Variants in LRCH1 observed in about 807,000 individuals in gnomAD.
LRCH1 encodes leucine-rich repeat and calponin homology domain-containing protein 1.
A neutral mutation model predicts 94.9 loss-of-function variants in LRCH1; 23 were observed. That is an observed-to-expected ratio of 0.24 (90% CI 0.17 to 0.34). The LOEUF is 0.34. Among genes scored for constraint, LRCH1 ranks in the 10% least tolerant of loss-of-function variants. LRCH1 has a pLI of 1.00. For missense variants in LRCH1, 790 were observed against 945.9 expected (o/e 0.84, Z 2.16); for synonymous variants, 364 against 354.9 (o/e 1.03, Z -0.29).
intron 1 of LRCH1, among the ~76,000 whole-genome samples, chr13:46,637,073 G>C (rs1284062719): frequency 6.6e-6 from 1 of 152,184 alleles, no homozygotes; most frequent in African/African-American, 2.4e-5. Flanking sequence ...TCTGCCATAG[G>C]CTTCCACATC....
rs1049854048 is a variant in LRCH1 at position 46,723,218 on chromosome 13, T to C, written c.1760-3T>C. ...AAGGCTTTTTTTCCCCTTTGTATTG[T>C]AGTGTTTCTAAGACCTCAGAGAAAT... On this transcript the variant is annotated splice_polypyrimidine_tract_variant and splice_region_variant and intron_variant, in intron 16 of 19. Transcript: ENST00000389797. The C allele has an allele frequency of 5.1e-6, 8 of 1,583,206 alleles. No homozygotes were observed. In the Admixed American group the frequency reaches 6.7e-5, roughly 13 times the overall value.
At chr13:46,581,422 A>C (rs946222320) in intron 1 of LRCH1, among the ~76,000 whole-genome samples, 4 of 152,224 alleles carry the variant, frequency 2.6e-5, no homozygotes, top group Admixed American at 6.5e-5. Flanking sequence ...AAGAAGTGGG[A>C]CAGAAAAGAT....
chr13:46,725,969 C>T (rs1347500880), intron 17 of LRCH1, among the ~76,000 whole-genome samples: 6 of 152,106 alleles, frequency 3.9e-5, no homozygotes, highest in South Asian at 2.1e-4. Context: ...AAATTAGAGC[C>T]TGAAAGAGTA....
At chr13:46,716,182 G>A (rs1872310489) in intron 16 of LRCH1, among the ~76,000 whole-genome samples, 2 of 151,772 alleles carry the variant, frequency 1.3e-5, no homozygotes, top group Admixed American at 6.6e-5. Flanking sequence ...CCAAATTATT[G>A]GCATATTTTG....
intron 1 of LRCH1, among the ~76,000 whole-genome samples, chr13:46,632,550 A>G (rs1434211468): frequency 6.6e-6 from 1 of 152,218 alleles, no homozygotes; most frequent in African/African-American, 2.4e-5. Flanking sequence ...TTATATTTCA[A>G]ATTGTTTACA....
At chr13:46,750,644 C>T in exon 19 of LRCH1, 2 of 1,547,842 alleles carry the variant, frequency 1.3e-6, no homozygotes, top group Non-Finnish European at 1.7e-6. Flanking sequence ...AGGCTCTGTT[C>T]ACATGAAACT....
intron 1 of LRCH1, among the ~76,000 whole-genome samples, chr13:46,603,403 ATGGGTTGTT>A (rs906146911): frequency 2.0e-5 from 3 of 151,896 alleles, no homozygotes; most frequent in Admixed American, 1.3e-4. Context: ...CATAACCCAA[ATGGGTTGTT>A]TGCAAAGCTA....
At chr13:46,566,026 G>C (rs947734580) in intron 1 of LRCH1, among the ~76,000 whole-genome samples, 1 of 151,910 alleles carries the variant, frequency 6.6e-6, no homozygotes, top group African/African-American at 2.4e-5. Context: ...GATTGGAGGG[G>C]TGAGGAAGTG....
chr13:46,611,242 T>C (rs1235413519), intron 1 of LRCH1, among the ~76,000 whole-genome samples: 1 of 152,150 alleles, frequency 6.6e-6, no homozygotes, highest in Admixed American at 6.5e-5. Context: ...TTTATGCTAG[T>C]GAGGGTTTGT....
chr13:46,612,328 A>G (rs527826606), intron 1 of LRCH1, among the ~76,000 whole-genome samples: 1 of 152,380 alleles, frequency 6.6e-6, no homozygotes, highest in East Asian at 1.9e-4. Flanking sequence ...ACAAATGTAT[A>G]TATTTTGTAT....
intron 15 of LRCH1, among the ~76,000 whole-genome samples, chr13:46,714,411 A>G (rs953677860): frequency 1.3e-4 from 20 of 152,238 alleles, no homozygotes; most frequent in Non-Finnish European, 1.2e-4. Flanking sequence ...AAAGTAATAT[A>G]TACAGTAATC....
In LRCH1 at chr13:46,574,235, GC is replaced by G. The variant is rs549591352; in HGVS notation, c.307+20533del. Among the ~76,000 whole-genome samples the G allele has an allele frequency of 4.1e-3, 622 of 152,154 alleles. 5 individuals are homozygous for G. The highest frequency in any genetic ancestry group is 0.034 in the South Asian group (162 of 4,814). ...ATCCTTTGTAACACAAAGGATAAAT[GC>G]TTGAAATGATGGATACCCATTTATC... On this transcript the variant is annotated intron_variant, in intron 1 of 19. Coordinates refer to ENST00000389797, the MANE Select transcript of LRCH1 (RefSeq NM_001164211.2).
At position 46,562,981 on chromosome 13, in the gene LRCH1, G is replaced by A. The variant is rs116409451; in HGVS notation, c.307+9278G>A. Among the ~76,000 whole-genome samples the A allele has an allele frequency of 4.0e-3, 604 of 152,242 alleles. 3 individuals are homozygous for A. Among genetic ancestry groups the A allele is most frequent in the African/African-American group, 0.014 (578 of 41,528 alleles). Reference sequence around the variant, plus strand: ...ACTTAGAATCTTTTCGGTGGTTGGTGGGTCCCTAGAGTCACACTTTATTTT... The same window carrying A: ...ACTTAGAATCTTTTCGGTGGTTGGTAGGTCCCTAGAGTCACACTTTATTTT... On this transcript the variant is annotated intron_variant, in intron 1 of 19. Transcript: ENST00000389797.
intron 1 of LRCH1, among the ~76,000 whole-genome samples, chr13:46,647,966 G>A (rs1308789761): frequency 6.6e-6 from 1 of 152,116 alleles, no homozygotes; most frequent in African/African-American, 2.4e-5. Flanking sequence ...CCAGACCGGG[G>A]TGGGGGATGG....
rs1315988131 is a variant in LRCH1 at position 46,715,600 on chromosome 13, TAC to T, written c.1699_1700del (p.Gln567GlyfsTer8). On this transcript the variant is annotated frameshift_variant, in exon 16 of 20. Transcript: ENST00000389797. LOFTEE classifies it high-confidence loss of function. ...ILPPISFNTL[T>X]QAQTWDSSSY... is the part of the protein sequence containing the mutation. ...TTCCTCCTATCTCCTTCAACACACT[TAC>T]ACAGGCACAGACATGGGACAGCTCT... 6.5e-7 allele frequency: 1 copy of T among 1,537,214 alleles called. No homozygotes were observed. Among genetic ancestry groups the T allele is most frequent in the Admixed American group, 2.0e-5 (1 of 51,000 alleles).
intron 1 of LRCH1, among the ~76,000 whole-genome samples, chr13:46,574,611 T>A (rs1331192104): frequency 1.3e-5 from 2 of 152,194 alleles, no homozygotes; most frequent in Non-Finnish European, 2.9e-5. Context: ...TATTTGTAGA[T>A]CCCACTTCCC....
Position 46,669,015 on chromosome 13 carries a change from G to T in LRCH1, c.453-15G>T, listed in dbSNP as rs199718007. On this transcript the variant is annotated splice_polypyrimidine_tract_variant and intron_variant, in intron 2 of 19. Transcript: ENST00000389797. ...CTTTCTGTTTACATGTGTTCTTGTTGTATTGTCTTTGCAGTCGAAATCAGC... is the reference window on the plus strand; with the variant it reads ...CTTTCTGTTTACATGTGTTCTTGTTTTATTGTCTTTGCAGTCGAAATCAGC... 6.2e-7 allele frequency: 1 copy of T among 1,613,554 alleles called. No individual in the cohort carries two copies. The highest frequency in any genetic ancestry group is 1.1e-5 in the South Asian group (1 of 91,056).
intron 2 of LRCH1, among the ~76,000 whole-genome samples, chr13:46,668,456 C>T (rs1051781689): frequency 6.6e-6 from 1 of 152,184 alleles, no homozygotes; most frequent in Non-Finnish European, 1.5e-5. Context: ...TAAACTGTAG[C>T]AACCCTTGTT....
chr13:46,695,024 T>C lies in LRCH1; in HGVS notation c.1245+7T>C, dbSNP rs1172556103. 10 of 1,611,946 alleles carry C rather than the reference T, an allele frequency of 6.2e-6. No homozygotes were observed. The highest frequency in any genetic ancestry group is 1.7e-5 in the Admixed American group (1 of 59,390). ...GGAATTTATGAACTATAAGGCAAGA[T>C]TTTCAGGATCAACTACGTTTTTTTA... On this transcript the variant is annotated splice_region_variant and intron_variant, in intron 9 of 19. Coordinates refer to ENST00000389797, the MANE Select transcript of LRCH1 (RefSeq NM_001164211.2).
Sources: gnomAD v4.1 joint callset for allele counts (sites outside exome capture counted in the v4.1 genomes callset) on GRCh38, gnomAD v4.1.1 for gene constraint, MANE v1.5 for transcripts, NCBI Gene and HGNC (gene_info 2026-07-23, HGNC 2026-07-21) for gene names.